The following CCDC3 variants were observed in gnomAD, a reference collection of about 807,000 sequenced individuals.
The protein encoded by CCDC3 is coiled-coil domain-containing protein 3.
In CCDC3, 24 loss-of-function variants were observed where a neutral mutation model predicts 21.4. The ratio of observed to expected loss-of-function variants is 1.12; its 90% CI spans 0.81 to 1.58. The LOEUF is 1.58. CCDC3 is among the 40% of genes most tolerant of loss of function. The pLI is 0.00. For synonymous variants in CCDC3, 186 were observed against 166.0 expected (o/e 1.12, Z -0.93); for missense variants, 425 against 360.9 (o/e 1.18, Z -1.44).
chr10:12,981,913 G>A (rs564800455), intron 2 of CCDC3, among the ~76,000 whole-genome samples: 1 of 151,588 alleles, frequency 6.6e-6, no homozygotes, highest in Non-Finnish European at 1.5e-5. Flanking sequence ...TCACAAGGTC[G>A]AGAAATCAAG....
At chr10:13,095,171 G>T (rs757945232) in intron 3 of CCDC3, among the ~76,000 whole-genome samples, 6 of 152,168 alleles carry the variant, frequency 3.9e-5, no homozygotes, top group Non-Finnish European at 7.3e-5. Flanking sequence ...ACCTAGAAGT[G>T]GAATTGCTGG....
chr10:12,916,286 G>T (rs1307141861), intron 2 of CCDC3, among the ~76,000 whole-genome samples: 2 of 152,112 alleles, frequency 1.3e-5, no homozygotes. Flanking sequence ...ACAAAAATTA[G>T]CTGGGCATGG....
At chr10:12,954,136 TA>T (rs1835049191) in intron 2 of CCDC3, among the ~76,000 whole-genome samples, 1 of 152,230 alleles carries the variant, frequency 6.6e-6, no homozygotes, top group Non-Finnish European at 1.5e-5. Context: ...CAGATTTAAC[TA>T]GTTGATCAGA....
Position 13,048,187 on chromosome 10 carries a change from A to G in CCDC3, c.-2+1487T>C, listed in dbSNP as rs1836552938. ...AATTTTTTTTCTTTTGGCAGAGTGA[A>G]TTGAGGTCCCAATTATTTTTTTTTA... On this transcript the variant is annotated intron_variant, in intron 5 of 6. Coordinates refer to the CCDC3 transcript ENST00000378839. Among the ~76,000 whole-genome samples, 3 of 151,912 alleles carry G rather than the reference A, an allele frequency of 2.0e-5. No individual in the cohort carries two copies. In the South Asian group the frequency reaches 6.2e-4, roughly 32 times the overall value.
intron 3 of CCDC3, among the ~76,000 whole-genome samples, chr10:13,093,422 A>C (rs1832599640): frequency 6.6e-6 from 1 of 152,184 alleles, no homozygotes; most frequent in African/African-American, 2.4e-5. Context: ...GAATTATGGA[A>C]GCTACAATTC....
rs753713558 is a variant in CCDC3 at position 13,025,408 on chromosome 10, A to G, written c.-2+24266T>C. On this transcript the variant is annotated intron_variant, in intron 5 of 6. Coordinates refer to the CCDC3 transcript ENST00000378839. ...GCCAAAGCTCATCAGGTAGCCAAAC[A>G]CAGAATTAACATATGAGGGGGCTCA... 3.3e-5 allele frequency among the ~76,000 whole-genome samples: 5 copies of G among 152,226 alleles called. 1 individual carries two copies. The East Asian group carries it at 9.6e-4, about 29-fold the overall frequency.
upstream of CCDC3, among the ~76,000 whole-genome samples, chr10:13,005,506 G>A (rs552437): frequency 0.81 from 123,085 of 152,124 alleles, 50,869 homozygotes; most frequent in Non-Finnish European, 0.89. Context: ...AGATTACATA[G>A]TCACCCAGCA....
At chr10:13,074,153 ATTTTTTTTTTTTT>A (rs1220773339) in intron 3 of CCDC3, 1 of 64,292 alleles carries the variant, frequency 1.6e-5, no homozygotes, top group Non-Finnish European at 2.8e-5. Context: ...ATATATATAT[ATTTTTTTTTTTTT>A]TTTTTTTTGA....
intron 5 of CCDC3, among the ~76,000 whole-genome samples, chr10:13,010,428 A>G (rs1835970902): frequency 6.6e-6 from 1 of 152,202 alleles, no homozygotes; most frequent in Non-Finnish European, 1.5e-5. Flanking sequence ...AGATACTCCT[A>G]CACATCTACT....
intron 2 of CCDC3, among the ~76,000 whole-genome samples, chr10:12,976,131 C>A (rs1251150928): frequency 1.3e-5 from 2 of 152,244 alleles, no homozygotes; most frequent in East Asian, 3.8e-4. Context: ...TGAGACACAA[C>A]CTCTGTGTGT....
chr10:13,029,373 A>C (rs1476531761), intron 5 of CCDC3, among the ~76,000 whole-genome samples: 4 of 152,214 alleles, frequency 2.6e-5, no homozygotes, highest in Non-Finnish European at 2.9e-5. Flanking sequence ...AAAACCACAA[A>C]GATGGGGAGA....
At chr10:12,971,629 C>CT (rs1355500224) in intron 2 of CCDC3, among the ~76,000 whole-genome samples, 1 of 152,208 alleles carries the variant, frequency 6.6e-6, no homozygotes, top group African/African-American at 2.4e-5. Flanking sequence ...CCTTTGCTGT[C>CT]TGCTGGACTG....
chr10:12,957,114 C>T (rs1412050905), intron 2 of CCDC3, among the ~76,000 whole-genome samples: 1 of 152,206 alleles, frequency 6.6e-6, no homozygotes, highest in African/African-American at 2.4e-5. Context: ...TGAGTCTCCA[C>T]AGAAAGGTGG....
intron 2 of CCDC3, among the ~76,000 whole-genome samples, chr10:12,982,181 C>A (rs1835508892): frequency 7.2e-6 from 1 of 139,814 alleles, no homozygotes; most frequent in South Asian, 2.3e-4. Flanking sequence ...AATCAAAAGC[C>A]ATGGTCACAC....
At chr10:13,004,524 C>T (rs1338878110), upstream of CCDC3, among the ~76,000 whole-genome samples, 1 of 151,696 alleles carries the variant, frequency 6.6e-6, no homozygotes, top group African/African-American at 2.4e-5. Flanking sequence ...TATCCGTGTC[C>T]AGAATGTGTC....
intron 2 of CCDC3, among the ~76,000 whole-genome samples, chr10:12,954,245 G>A (rs1835050956): frequency 6.6e-6 from 1 of 152,124 alleles, no homozygotes; most frequent in Non-Finnish European, 1.5e-5. Context: ...TACTCTAGTA[G>A]TTTACCCAGA....
chr10:13,063,046 A>G (rs1836777846), intron 4 of CCDC3, among the ~76,000 whole-genome samples: 1 of 151,884 alleles, frequency 6.6e-6, no homozygotes, highest in Non-Finnish European at 1.5e-5. Context: ...CTCCTGGCTC[A>G]CTGGCTTACC....
chr10:13,050,992 T>C (rs2131425119), intron 4 of CCDC3, among the ~76,000 whole-genome samples: 1 of 152,262 alleles, frequency 6.6e-6, no homozygotes, highest in South Asian at 2.1e-4. Flanking sequence ...GGTCTCACTA[T>C]GTTGCCCAGG....
At chr10:13,092,710 C>T in intron 3 of CCDC3, among the ~76,000 whole-genome samples, 1 of 152,200 alleles carries the variant, frequency 6.6e-6, no homozygotes. Flanking sequence ...AAAGATATAG[C>T]AGCTGGAGAA....
Sources: gnomAD v4.1 joint callset for allele counts (sites outside exome capture counted in the v4.1 genomes callset) on GRCh38, gnomAD v4.1.1 for gene constraint, MANE v1.5 for transcripts, NCBI Gene and HGNC (gene_info 2026-07-23, HGNC 2026-07-21) for gene names.